The following CSMD1 variants were observed in gnomAD, a reference collection of about 807,000 sequenced individuals.
CSMD1 encodes CUB and sushi domain-containing protein 1.
CSMD1 carries 213 observed loss-of-function variants against 417.5 expected under a neutral mutation model. The observed-to-expected ratio is 0.51, with a 90% CI of 0.46 to 0.57. The LOEUF (loss-of-function observed/expected upper bound fraction) is 0.57. Ranked by LOEUF, CSMD1 falls within the 20% of genes least tolerant of loss-of-function variation. The probability of loss-of-function intolerance (pLI) is 0.00; values close to 1 mark genes in which losing one functional copy is unlikely to be tolerated. For synonymous variants in CSMD1, 2,862 were observed against 1,736.8 expected (o/e 1.65, Z -16.11); for missense variants, 6,923 against 4,529.7 (o/e 1.53, Z -15.17).
At chr8:4,618,556 C>G (rs1293296079) in intron 2 of CSMD1, among the ~76,000 whole-genome samples, 1 of 152,006 alleles carries the variant, frequency 6.6e-6, no homozygotes, top group African/African-American at 2.4e-5. Flanking sequence ...TTCTTCTTAT[C>G]GCCTACATAG....
chr8:3,576,506 C>T (rs1800157585), intron 9 of CSMD1, among the ~76,000 whole-genome samples: 1 of 152,156 alleles, frequency 6.6e-6, no homozygotes, highest in African/African-American at 2.4e-5. Context: ...GACAACTGTT[C>T]AGTTGCTTCC....
intron 2 of CSMD1, among the ~76,000 whole-genome samples, chr8:4,583,300 G>T (rs934531720): frequency 1.3e-5 from 2 of 152,200 alleles, no homozygotes; most frequent in African/African-American, 4.8e-5. Context: ...TCCTGAGTCT[G>T]GTGGGGCCTT....
chr8:4,777,090 T>C (rs1480961913), intron 1 of CSMD1, among the ~76,000 whole-genome samples: 1 of 152,134 alleles, frequency 6.6e-6, no homozygotes, highest in African/African-American at 2.4e-5. Context: ...TTTAGATCAG[T>C]CCTTGGTAAT....
chr8:4,426,722 C>T (rs1038450668), intron 2 of CSMD1, among the ~76,000 whole-genome samples: 1 of 145,640 alleles, frequency 6.9e-6, no homozygotes, highest in Non-Finnish European at 1.5e-5. Flanking sequence ...TATTTTATTA[C>T]TATATACATT....
intron 7 of CSMD1, among the ~76,000 whole-genome samples, chr8:3,685,252 T>C (rs1799888744): frequency 2.0e-5 from 3 of 152,214 alleles, no homozygotes; most frequent in Admixed American, 1.3e-4. Flanking sequence ...AAAATAAAGT[T>C]GCCTCAGGGC....
At chr8:4,878,796 C>T (rs1803209834) in intron 1 of CSMD1, among the ~76,000 whole-genome samples, 1 of 151,820 alleles carries the variant, frequency 6.6e-6, no homozygotes, top group African/African-American at 2.4e-5. Context: ...GTTTATCCCT[C>T]CTCTATGAAG....
chr8:3,680,889 C>G (rs548470806), intron 7 of CSMD1, among the ~76,000 whole-genome samples: 3 of 152,166 alleles, frequency 2.0e-5, no homozygotes, highest in African/African-American at 7.2e-5. Context: ...TCAATATACG[C>G]AAATCAGTAA....
intron 3 of CSMD1, among the ~76,000 whole-genome samples, chr8:4,314,478 C>G (rs576328457): frequency 2.6e-5 from 4 of 152,246 alleles, no homozygotes; most frequent in African/African-American, 7.2e-5. Flanking sequence ...GCATCCGTTC[C>G]TTGAATACCT....
At chr8:4,201,883 A>AT (rs746538781) in intron 3 of CSMD1, among the ~76,000 whole-genome samples, 2,645 of 29,010 alleles carry the variant, frequency 0.091, 173 homozygotes, top group African/African-American at 0.16. Flanking sequence ...ATACATGGAA[A>AT]TTTTGGGGGG....
chr8:4,086,462 C>T (rs1316111576), intron 3 of CSMD1, among the ~76,000 whole-genome samples: 4 of 152,162 alleles, frequency 2.6e-5, no homozygotes, highest in Non-Finnish European at 5.9e-5. Context: ...CACTCTAATT[C>T]ATTAATTCGT....
intron 1 of CSMD1, among the ~76,000 whole-genome samples, chr8:4,643,432 G>A (rs940478509): frequency 2.2e-4 from 33 of 152,116 alleles, no homozygotes; most frequent in Admixed American, 2.1e-3. Context: ...AATTTCTATT[G>A]TATACCTGTT....
At chr8:3,028,542 A>T (rs373937025) in intron 51 of CSMD1, among the ~76,000 whole-genome samples, 1 of 152,168 alleles carries the variant, frequency 6.6e-6, no homozygotes, top group East Asian at 1.9e-4. Context: ...TGAGGCCAGC[A>T]ATCCTTCCTG....
chr8:3,394,011 A>AAAAATT (rs1811516606), intron 17 of CSMD1, among the ~76,000 whole-genome samples: 1 of 76,978 alleles, frequency 1.3e-5, no homozygotes, highest in Non-Finnish European at 2.6e-5. Context: ...AAAAAAATAA[A>AAAAATT]TTATATATAT....
At chr8:3,985,792 G>C (rs1050823614) in intron 5 of CSMD1, among the ~76,000 whole-genome samples, 1 of 146,750 alleles carries the variant, frequency 6.8e-6, no homozygotes, top group African/African-American at 2.5e-5. Context: ...GTCTCACCCT[G>C]TCGCCCAGAT....
intron 64 of CSMD1, among the ~76,000 whole-genome samples, chr8:2,954,790 G>C (rs1802886541): frequency 6.6e-6 from 1 of 152,132 alleles, no homozygotes; most frequent in African/African-American, 2.4e-5. Context: ...ATCAAACTAC[G>C]AATTACCATT....
At chr8:4,941,446 TACA>T (rs1335320899) in intron 1 of CSMD1, among the ~76,000 whole-genome samples, 9 of 152,200 alleles carry the variant, frequency 5.9e-5, no homozygotes, top group Admixed American at 3.9e-4. Flanking sequence ...AGCCATGTTG[TACA>T]ACAAGTGTGC....
chr8:3,795,364 TATATAGATATATATCATGTATAG>T lies in CSMD1; in HGVS notation c.819-41345_819-41323del, dbSNP rs1202242253. Among the ~76,000 whole-genome samples the T allele has an allele frequency of 1.1e-4, 5 of 44,096 alleles. 2 individuals are homozygous for T. Among genetic ancestry groups the T allele is most frequent in the Admixed American group, 5.3e-4 (2 of 3,746 alleles). 28.9% of individuals were successfully genotyped at this position (44,096 alleles called of 152,430 possible). On this transcript the variant is annotated intron_variant, in intron 5 of 69. Transcript: ENST00000635120. ...TAGATATAGATATATATCTATCATG[TATATAGATATATATCATGTATAG>T]ATATAGATATCTATCATAGATATAG...
intron 3 of CSMD1, among the ~76,000 whole-genome samples, chr8:4,328,897 G>C (rs1172323922): frequency 6.6e-6 from 1 of 152,172 alleles, no homozygotes; most frequent in African/African-American, 2.4e-5. Flanking sequence ...ACATTCATTT[G>C]TATATATTGG....
chr8:3,161,652 T>C (rs1819903606), intron 38 of CSMD1, among the ~76,000 whole-genome samples: 1 of 151,352 alleles, frequency 6.6e-6, no homozygotes, highest in Non-Finnish European at 1.5e-5. Context: ...AAAACCCTCT[T>C]TATATAGAAG....
Sources: allele counts gnomAD v4.1 joint callset (sites outside exome capture counted in the v4.1 genomes callset), GRCh38; gene constraint gnomAD v4.1.1; transcripts MANE v1.5; gene names NCBI Gene and HGNC (gene_info 2026-07-23, HGNC 2026-07-21).